The following GSTT2B variants were observed in gnomAD, a reference collection of about 807,000 sequenced individuals.
GSTT2B encodes the protein glutathione S-transferase theta-2B.
GSTT2B carries 4 observed loss-of-function variants against 16.6 expected under a neutral mutation model. The ratio of observed to expected loss-of-function variants is 0.24; its 90% CI spans 0.12 to 0.55. The LOEUF is 0.55. GSTT2B is among the 20% of genes least tolerant of loss of function. The probability of loss-of-function intolerance (pLI) is 0.94; values close to 1 mark genes in which losing one functional copy is unlikely to be tolerated. For missense variants in GSTT2B, 27 were observed against 266.1 expected (o/e 0.10, Z 6.25); for synonymous variants, 9 against 110.9 (o/e 0.08, Z 5.77).
intron 1 of GSTT2B, among the ~76,000 whole-genome samples, chr22:23,960,814 A>G (rs200221229): frequency 0.65 from 84,655 of 129,964 alleles, 28,416 homozygotes; most frequent in South Asian, 0.74. Context: ...AGAAGGTAAC[A>G]TTATCCTCCT....
intron 2 of GSTT2B, among the ~76,000 whole-genome samples, chr22:23,959,938 A>G (rs1240994067): frequency 1.0e-5 from 1 of 99,976 alleles, no homozygotes; most frequent in Non-Finnish European, 2.3e-5. Flanking sequence ...ATCTCAGCAC[A>G]CTGCAAGCTC....
rs6003996 is a variant in GSTT2B, at chr22:23,960,766, C to A, written c.112+254G>T. Among the ~76,000 whole-genome samples the A allele has an allele frequency of 2.9e-3, 378 of 131,826 alleles. 9 individuals are homozygous for A. Among genetic ancestry groups the A allele is most frequent in the East Asian group, 0.026 (111 of 4,334 alleles). 86.5% of individuals were successfully genotyped at this position (131,826 alleles called of 152,430 possible). On this transcript the variant is annotated intron_variant, in intron 1 of 4. Coordinates refer to ENST00000290765, the MANE Select transcript of GSTT2B (RefSeq NM_001080843.4). ...CGTGCATTCCACGCAAGAACTCTGT[C>A]AACTCCATTCAGTATTTTCTTTCCA...
chr22:23,959,724 G>C lies in GSTT2B; in HGVS notation c.200+570C>G, dbSNP rs1407691906. 4.6e-4 allele frequency among the ~76,000 whole-genome samples: 39 copies of C among 85,416 alleles called. 2 individuals are homozygous for C. The highest frequency in any genetic ancestry group is 1.8e-3 in the East Asian group (5 of 2,836). 56.0% of individuals were successfully genotyped at this position (85,416 alleles called of 152,430 possible). A position where few individuals can be genotyped will look rare whatever the true frequency, so the allele number is the denominator to read the frequency against. ...TCCCCAGTAGCTGGGACTACAGGCG[G>C]CCGCCACCACGCCCTGCTAATGTTT... On this transcript the variant is annotated intron_variant, in intron 2 of 4. Transcript: ENST00000290765.
At chr22:23,960,108 G>T (rs566579234) in intron 2 of GSTT2B, among the ~76,000 whole-genome samples, 186 bp downstream of exon 2, 10 of 148,872 alleles carry the variant, frequency 6.7e-5, no homozygotes, top group Non-Finnish European at 1.5e-4. Flanking sequence ...CTCGTGATCC[G>T]CCCGCCTTGG....
intron 1 of GSTT2B, 94 bp from the exon 2 acceptor site, chr22:23,960,475 G>A: frequency 1.5e-6 from 2 of 1,367,022 alleles, no homozygotes; most frequent in Non-Finnish European, 2.0e-6. Context: ...CCACAGCCCT[G>A]AGAAACAGCA....
At chr22:23,960,114 C>T (rs1406260002) in intron 2 of GSTT2B, among the ~76,000 whole-genome samples, 180 bp downstream of exon 2, 2 of 149,120 alleles carry the variant, frequency 1.3e-5, no homozygotes, top group South Asian at 2.2e-4. Context: ...ATCCGCCCGC[C>T]TTGGCCTCCC....
intron 2 of GSTT2B, among the ~76,000 whole-genome samples, chr22:23,959,869 G>T (rs1432028849): frequency 1.2e-5 from 1 of 82,230 alleles, no homozygotes; most frequent in African/African-American, 3.9e-5. Flanking sequence ...AAACCACCGC[G>T]CCCGGCCTTT....
At chr22:23,960,261 C>G in intron 2 of GSTT2B, 33 bp downstream of exon 2, 1 of 1,610,796 alleles carries the variant, frequency 6.2e-7, no homozygotes. Flanking sequence ...ACATGGGCTC[C>G]GGATGCGGTG....
chr22:23,959,751 G>C lies in GSTT2B; in HGVS notation c.200+543C>G, dbSNP rs1315364516. On this transcript the variant is annotated intron_variant, in intron 2 of 4. Coordinates refer to ENST00000290765, the MANE Select transcript of GSTT2B (RefSeq NM_001080843.4). ...CGCCACCACGCCCTGCTAATGTTTT[G>C]TATTTTTAGTAGAGACAGGGTTTCA... Among the ~76,000 whole-genome samples, 182 of 88,964 alleles carry C rather than the reference G, an allele frequency of 2.0e-3. 2 individuals are homozygous for C. The highest frequency in any genetic ancestry group is 6.5e-3 in the Middle Eastern group (1 of 154). 58.4% of individuals were successfully genotyped at this position (88,964 alleles called of 152,430 possible).
At chr22:23,960,249 T>A (rs1421050813) in intron 2 of GSTT2B, 45 bp downstream of exon 2, 4 of 1,607,404 alleles carry the variant, frequency 2.5e-6, no homozygotes, top group Admixed American at 1.7e-5. Flanking sequence ...AGAGCCAAGG[T>A]CACATGGGCT....
intron 2 of GSTT2B, among the ~76,000 whole-genome samples, chr22:23,960,089 T>C (rs2033821583): frequency 6.7e-6 from 1 of 149,236 alleles, no homozygotes. Flanking sequence ...ATGGTCTCGG[T>C]CTCCTGACCT....
At chr22:23,959,260 G>C (rs1051036833) in intron 2 of GSTT2B, among the ~76,000 whole-genome samples, 11 of 116,452 alleles carry the variant, frequency 9.4e-5, no homozygotes, top group Non-Finnish European at 1.8e-4. Context: ...ACCTCACCAT[G>C]AGCTGTGCCC....
chr22:23,959,812 C>T (rs1179264762), intron 2 of GSTT2B, among the ~76,000 whole-genome samples: 14 of 93,730 alleles, frequency 1.5e-4, no homozygotes, highest in South Asian at 4.8e-4. Flanking sequence ...CTCCTGACCT[C>T]GTGATCCGCC....
In GSTT2B at chr22:23,960,352, T is replaced by G; in HGVS notation, c.142A>C (p.Ile48Leu). 6.2e-7 allele frequency: 1 copy of G among 1,611,916 alleles called. No individual in the cohort carries two copies. Among genetic ancestry groups the G allele is most frequent in the Non-Finnish European group, 8.5e-7 (1 of 1,178,826 alleles). The change falls in exon 2 of 5, where the codon ATC (isoleucine) becomes CTC (leucine). Residue 48 changes from isoleucine (I) to leucine (L), a missense_variant. Ile to Leu is a conservative substitution (Grantham distance 5). Transcript: ENST00000290765. ...GQHKSKEFLQINSLGKLPTLK... is the reference protein window; with the variant it reads ...GQHKSKEFLQLNSLGKLPTLK... ...GTCGGCAGTTTCCCCAGGCTGTTGA[T>G]CTGCAAGAACTCCTTGCTCTTGTGC...
rs1213425690 is a variant in GSTT2B at position 23,959,535 on chromosome 22, G to A, written c.200+759C>T. Reference sequence around the variant, plus strand: ...CACCCCAAGCTGTACCTTCTCCCCAGATACCTCTCCTTTCTTTCTTTCCTT... The same window carrying A: ...CACCCCAAGCTGTACCTTCTCCCCAAATACCTCTCCTTTCTTTCTTTCCTT... On this transcript the variant is annotated intron_variant, in intron 2 of 4. Coordinates refer to ENST00000290765, the MANE Select transcript of GSTT2B (RefSeq NM_001080843.4). Among the ~76,000 whole-genome samples, 5 of 101,702 alleles carry A rather than the reference G, an allele frequency of 4.9e-5. 2 individuals are homozygous for A. The highest frequency in any genetic ancestry group is 9.4e-5 in the Non-Finnish European group (4 of 42,650). The allele number at this position is 101,702 out of a possible 152,430, so 66.7% of individuals were successfully genotyped here.
chr22:23,960,592 G>C, intron 1 of GSTT2B, among the ~76,000 whole-genome samples: 1 of 97,020 alleles, frequency 1.0e-5, no homozygotes, highest in Non-Finnish European at 2.5e-5. Flanking sequence ...GCCAGGTGCA[G>C]CAGGTGGATA....
At chr22:23,959,189 GC>G (rs1195033458) in intron 2 of GSTT2B, among the ~76,000 whole-genome samples, 2 of 132,668 alleles carry the variant, frequency 1.5e-5, no homozygotes, top group Non-Finnish European at 3.2e-5. Context: ...CGTCTGACAG[GC>G]CCCCAGCCAT....
intron 1 of GSTT2B, 56 bp from the exon 2 acceptor site, chr22:23,960,437 C>A: frequency 6.7e-7 from 1 of 1,496,936 alleles, no homozygotes; most frequent in Non-Finnish European, 9.2e-7. Flanking sequence ...CACCTCTACA[C>A]CCTCCCTCCT....
At chr22:23,959,770 G>A (rs983829028) in intron 2 of GSTT2B, among the ~76,000 whole-genome samples, 2 of 95,276 alleles carry the variant, frequency 2.1e-5, no homozygotes, top group African/African-American at 6.7e-5. Context: ...GTAGAGACAG[G>A]GTTTCACCGT....
Sources: allele counts gnomAD v4.1 joint callset (sites outside exome capture counted in the v4.1 genomes callset), GRCh38; gene constraint gnomAD v4.1.1; transcripts MANE v1.5; gene names NCBI Gene and HGNC (gene_info 2026-07-23, HGNC 2026-07-21).